Variants in SMARCC1 observed in about 807,000 individuals in gnomAD.
SMARCC1 encodes SWI/SNF complex subunit SMARCC1.
Under a neutral mutation model 147.4 loss-of-function variants are expected in SMARCC1, and 43 were observed. The ratio of observed to expected loss-of-function variants is 0.29; its 90% CI spans 0.23 to 0.38. The LOEUF (loss-of-function observed/expected upper bound fraction) is 0.38. Ranked by LOEUF, SMARCC1 falls within the 10% of genes least tolerant of loss-of-function variation. The probability of loss-of-function intolerance (pLI) is 1.00; values close to 1 mark genes in which losing one functional copy is unlikely to be tolerated. For missense variants in SMARCC1, 1,119 were observed against 1,381.1 expected, an observed-to-expected ratio of 0.81 and a Z score of 3.01; for synonymous variants, 495 against 484.4, an observed-to-expected ratio of 1.02 and a Z score of -0.29.
rs2033483506 is a variant in SMARCC1, at chr3:47,670,694, T to C, written c.1863A>G (p.Arg621=). The C allele has an allele frequency of 6.3e-7, 1 of 1,597,882 alleles. No homozygotes were observed. Among genetic ancestry groups the C allele is most frequent in the East Asian group, 2.2e-5 (1 of 44,830 alleles). The change falls in exon 19 of 28, where the codon AGA becomes AGG. Residue 621 remains arginine (R), a synonymous_variant. Coordinates refer to ENST00000254480, the MANE Select transcript of SMARCC1 (RefSeq NM_003074.4). ...GAAGGGTCTCCTGTTCAGTCCATTCTCTTCCAGCACTAGCACCTTTACTCT... is the reference window on the plus strand; with the variant it reads ...GAAGGGTCTCCTGTTCAGTCCATTCCCTTCCAGCACTAGCACCTTTACTCT... ...LAKSKGASAG[R]EWTEQETLLL...
chr3:47,645,511 G>A (rs545629804), intron 21 of SMARCC1, among the ~76,000 whole-genome samples: 14 of 152,062 alleles, frequency 9.2e-5, no homozygotes, highest in Admixed American at 1.3e-4. Context: ...TGCCACTGCC[G>A]TCCACACTGG....
chr3:47,608,849 T>TA (rs35698988), intron 26 of SMARCC1, among the ~76,000 whole-genome samples: 6,110 of 86,848 alleles, frequency 0.07, 618 homozygotes, highest in African/African-American at 0.25. Context: ...ACAGTGTCTT[T>TA]AAAAAAAAAA....
chr3:47,618,868 G>A (rs2106680904), intron 25 of SMARCC1, among the ~76,000 whole-genome samples: 1 of 152,272 alleles, frequency 6.6e-6, no homozygotes, highest in African/African-American at 2.4e-5. Context: ...GCTCAGGGTT[G>A]ACTCAATATT....
chr3:47,696,084 G>A (rs1266238553), intron 11 of SMARCC1, among the ~76,000 whole-genome samples: 1 of 145,954 alleles, frequency 6.9e-6, no homozygotes, highest in Non-Finnish European at 1.5e-5. Flanking sequence ...AAAAGGGGGG[G>A]GGGGGGCCAG....
chr3:47,779,530 C>A (rs563353016), intron 1 of SMARCC1, among the ~76,000 whole-genome samples: 1 of 152,192 alleles, frequency 6.6e-6, no homozygotes, highest in African/African-American at 2.4e-5. Flanking sequence ...TCTGGCTTTA[C>A]AAAGTCCTGA....
chr3:47,769,143 G>A (rs1370989308), intron 2 of SMARCC1, among the ~76,000 whole-genome samples: 4 of 149,442 alleles, frequency 2.7e-5, no homozygotes, highest in Admixed American at 6.7e-5. Flanking sequence ...CCCAGGAGGC[G>A]GAGGCTGCAG....
At chr3:47,681,467 G>A (rs971465595) in intron 14 of SMARCC1, among the ~76,000 whole-genome samples, 1 of 152,100 alleles carries the variant, frequency 6.6e-6, no homozygotes, top group Admixed American at 6.6e-5. Context: ...GCAGAGATCA[G>A]GTAAAATGAT....
intron 7 of SMARCC1, among the ~76,000 whole-genome samples, chr3:47,717,368 C>T (rs2034168365): frequency 6.6e-6 from 1 of 152,066 alleles, no homozygotes; most frequent in Admixed American, 6.6e-5. Context: ...ACATGACAAA[C>T]CAACTGGTTT....
chr3:47,643,574 G>A (rs1010079311), intron 21 of SMARCC1, among the ~76,000 whole-genome samples: 12 of 151,530 alleles, frequency 7.9e-5, no homozygotes, highest in Admixed American at 2.0e-4. Context: ...GTCATTTAGA[G>A]GTCCAAGAAA....
intron 25 of SMARCC1, chr3:47,610,939 T>A (rs1201210663): frequency 6.5e-6 from 1 of 152,892 alleles, no homozygotes; most frequent in African/African-American, 2.4e-5. Flanking sequence ...AAAATTATAC[T>A]TGGTGACACA....
chr3:47,720,805 A>G, intron 6 of SMARCC1, 70 bp from the exon 7 acceptor site: 1 of 1,138,364 alleles, frequency 8.8e-7, no homozygotes, highest in Non-Finnish European at 1.3e-6. Flanking sequence ...TTTTAGCCTT[A>G]ATTTTTACTA....
intron 22 of SMARCC1, among the ~76,000 whole-genome samples, chr3:47,638,166 C>G (rs985142485): frequency 1.3e-5 from 2 of 152,192 alleles, no homozygotes; most frequent in African/African-American, 4.8e-5. Context: ...TCTCGGCTCA[C>G]TGCAAGCTCT....
chr3:47,623,809 T>C (rs1347766279), intron 24 of SMARCC1, among the ~76,000 whole-genome samples: 1 of 152,098 alleles, frequency 6.6e-6, no homozygotes, highest in African/African-American at 2.4e-5. Context: ...GATAATAATG[T>C]TATCAATTTC....
At chr3:47,664,297 AAAG>A (rs1436005460) in intron 19 of SMARCC1, among the ~76,000 whole-genome samples, 1 of 152,170 alleles carries the variant, frequency 6.6e-6, no homozygotes, top group Non-Finnish European at 1.5e-5. Context: ...GAGAGAACTC[AAAG>A]ACCCAAATAA....
chr3:47,670,436 T>C (rs918081188), intron 19 of SMARCC1: 2 of 492,918 alleles, frequency 4.1e-6, no homozygotes, highest in East Asian at 3.3e-5. Flanking sequence ...AATACAAAAA[T>C]TAGCCAGGCA....
At chr3:47,670,415 T>C (rs1354239923) in intron 19 of SMARCC1, 3 of 495,212 alleles carry the variant, frequency 6.1e-6, no homozygotes, top group African/African-American at 2.0e-5. Flanking sequence ...TGAAAGCCCA[T>C]TGCTACAAAA....
intron 21 of SMARCC1, among the ~76,000 whole-genome samples, chr3:47,659,888 G>A (rs1210786341): frequency 4.0e-5 from 6 of 151,642 alleles, no homozygotes; most frequent in Non-Finnish European, 8.8e-5. Context: ...CCACTAGATT[G>A]GCTATTACAG....
intron 2 of SMARCC1, chr3:47,746,317 G>A (rs958415384): frequency 1.1e-5 from 2 of 179,138 alleles, no homozygotes; most frequent in Non-Finnish European, 2.3e-5. Context: ...GTGCATTGTG[G>A]CACACACCTG....
intron 9 of SMARCC1, among the ~76,000 whole-genome samples, chr3:47,706,901 A>G (rs1043499138): frequency 2.6e-5 from 4 of 152,242 alleles, no homozygotes; most frequent in African/African-American, 7.2e-5. Context: ...ATACAAAGAC[A>G]GGCCAAACGA....
Sources: allele counts gnomAD v4.1 joint callset (sites outside exome capture counted in the v4.1 genomes callset), GRCh38; gene constraint gnomAD v4.1.1; transcripts MANE v1.5; gene names NCBI Gene and HGNC (gene_info 2026-07-23, HGNC 2026-07-21).